Variants in PLXDC2 observed in about 807,000 individuals in gnomAD.
PLXDC2 encodes the protein plexin domain-containing protein 2.
A neutral mutation model predicts 68.9 loss-of-function variants in PLXDC2; 40 were observed. That is an observed-to-expected ratio of 0.58 (90% CI 0.45 to 0.76). PLXDC2 has a LOEUF of 0.76. Ranked by LOEUF, PLXDC2 falls within the 30% of genes least tolerant of loss-of-function variation. The probability of loss-of-function intolerance (pLI) is 0.00; values close to 1 mark genes in which losing one functional copy is unlikely to be tolerated. For missense variants in PLXDC2, 644 were observed against 661.9 expected (o/e 0.97, Z 0.30); for synonymous variants, 243 against 234.2 (o/e 1.04, Z -0.34).
intron 9 of PLXDC2, among the ~76,000 whole-genome samples, chr10:20,188,503 T>C (rs575501693): frequency 1.3e-5 from 2 of 151,752 alleles, no homozygotes; most frequent in Admixed American, 6.6e-5. Context: ...TCCCAGGGAT[T>C]TGGCTTTTTA....
intron 9 of PLXDC2, among the ~76,000 whole-genome samples, chr10:20,205,670 T>C (rs892770990): frequency 6.6e-6 from 1 of 152,122 alleles, no homozygotes; most frequent in Non-Finnish European, 1.5e-5. Context: ...ATTTGGTACA[T>C]GCATACCATG....
intron 1 of PLXDC2, among the ~76,000 whole-genome samples, chr10:19,883,955 G>C (rs1011098086): frequency 7.2e-6 from 1 of 138,754 alleles, no homozygotes; most frequent in Non-Finnish European, 1.5e-5. Context: ...GTGTGGTGGC[G>C]TGATTGATCT....
At chr10:20,234,663 C>CTTTTTTTTTTT (rs58791520) in intron 12 of PLXDC2, among the ~76,000 whole-genome samples, 5 of 125,418 alleles carry the variant, frequency 4.0e-5, no homozygotes, top group Non-Finnish European at 8.3e-5. Flanking sequence ...GGGTTTCTTT[C>CTTTTTTTTTTT]TTTTTTTTTT....
chr10:20,032,456 G>C (rs1835515232), intron 2 of PLXDC2, among the ~76,000 whole-genome samples: 1 of 151,990 alleles, frequency 6.6e-6, no homozygotes, highest in African/African-American at 2.4e-5. Context: ...TTAGATTTCT[G>C]GTTTAATAGG....
chr10:19,871,882 C>CA (rs66537453), intron 1 of PLXDC2, among the ~76,000 whole-genome samples: 13,714 of 121,908 alleles, frequency 0.11, 770 homozygotes, highest in Admixed American at 0.22. Flanking sequence ...GTGAAACTGT[C>CA]AAAAAAAAAA....
At chr10:19,955,699 A>T (rs1379263750) in intron 1 of PLXDC2, among the ~76,000 whole-genome samples, 2 of 152,210 alleles carry the variant, frequency 1.3e-5, no homozygotes, top group Non-Finnish European at 2.9e-5. Flanking sequence ...CTTAAAAAAA[A>T]AAGAAGTTGT....
chr10:19,885,059 A>G (rs1425473459), intron 1 of PLXDC2, among the ~76,000 whole-genome samples: 3 of 152,162 alleles, frequency 2.0e-5, no homozygotes, highest in Non-Finnish European at 4.4e-5. Context: ...CTGGTGTGAG[A>G]TGATATCTCA....
chr10:19,883,945 G>A (rs1483100571), intron 1 of PLXDC2, among the ~76,000 whole-genome samples: 1 of 131,434 alleles, frequency 7.6e-6, no homozygotes, highest in Non-Finnish European at 1.5e-5. Flanking sequence ...CCTGGCTGGA[G>A]TGTGGTGGCG....
intron 3 of PLXDC2, among the ~76,000 whole-genome samples, chr10:20,063,258 A>G (rs1480478042): frequency 2.6e-5 from 4 of 152,218 alleles, no homozygotes; most frequent in Non-Finnish European, 4.4e-5. Context: ...CACGGTGACT[A>G]CTAATTTTCT....
intron 9 of PLXDC2, among the ~76,000 whole-genome samples, chr10:20,184,793 G>A (rs1834657876): frequency 6.6e-6 from 1 of 151,830 alleles, no homozygotes; most frequent in South Asian, 2.1e-4. Flanking sequence ...CTTTAAGTGG[G>A]TATATTTGCA....
chr10:20,119,792 G>C (rs1438440269), intron 4 of PLXDC2, among the ~76,000 whole-genome samples: 2 of 151,910 alleles, frequency 1.3e-5, no homozygotes, highest in African/African-American at 4.8e-5. Context: ...TTTGTGGTAA[G>C]GGGTGATATT....
chr10:20,023,366 TAC>T (rs1835346365), intron 2 of PLXDC2, among the ~76,000 whole-genome samples: 1 of 152,154 alleles, frequency 6.6e-6, no homozygotes, highest in Non-Finnish European at 1.5e-5. Flanking sequence ...AAGTATGTGC[TAC>T]AGTTTGAATG....
At chr10:20,098,347 GTGTGTGTGTA>G (rs901673884) in intron 4 of PLXDC2, among the ~76,000 whole-genome samples, 4 of 97,220 alleles carry the variant, frequency 4.1e-5, no homozygotes, top group African/African-American at 1.9e-4. Flanking sequence ...ATTTTCGTGC[GTGTGTGTGTA>G]TGTGTGTGTG....
chr10:19,886,329 G>C (rs1306264814), intron 1 of PLXDC2, among the ~76,000 whole-genome samples: 1 of 152,034 alleles, frequency 6.6e-6, no homozygotes, highest in Non-Finnish European at 1.5e-5. Flanking sequence ...CTCTTTTCCT[G>C]ATTGAATACC....
chr10:19,822,155 A>C (rs13377130), intron 1 of PLXDC2, among the ~76,000 whole-genome samples: 1,551 of 150,270 alleles, frequency 0.01, 34 homozygotes, highest in African/African-American at 0.035. Context: ...TATATATGCA[A>C]TATATAATGT....
intron 1 of PLXDC2, among the ~76,000 whole-genome samples, chr10:19,954,888 C>A (rs1834043337): frequency 6.6e-6 from 1 of 152,096 alleles, no homozygotes; most frequent in African/African-American, 2.4e-5. Context: ...ACTCTTGCCC[C>A]CCCATCCCTG....
At chr10:20,239,064 C>T (rs558762370) in intron 12 of PLXDC2, among the ~76,000 whole-genome samples, 13 of 152,142 alleles carry the variant, frequency 8.5e-5, no homozygotes, top group Admixed American at 1.3e-4. Context: ...TATTTTATGG[C>T]TTCTTGTTGC....
chr10:20,277,960 C>G (rs1222197741), intron 13 of PLXDC2, among the ~76,000 whole-genome samples: 1 of 152,158 alleles, frequency 6.6e-6, no homozygotes, highest in Non-Finnish European at 1.5e-5. Flanking sequence ...CTTTCTGTGA[C>G]TAGCTTATTT....
chr10:19,877,430 G>A (rs1348918516), intron 1 of PLXDC2, among the ~76,000 whole-genome samples: 1 of 152,082 alleles, frequency 6.6e-6, no homozygotes, highest in Non-Finnish European at 1.5e-5. Flanking sequence ...TGGGCACATG[G>A]CTTATTAGCT....
Sources: gnomAD v4.1 joint callset for allele counts (sites outside exome capture counted in the v4.1 genomes callset) on GRCh38, gnomAD v4.1.1 for gene constraint, MANE v1.5 for transcripts, NCBI Gene and HGNC (gene_info 2026-07-23, HGNC 2026-07-21) for gene names.